The following PDE10A variants were observed in gnomAD, a reference collection of about 807,000 sequenced individuals.
The protein encoded by PDE10A is phosphodiesterase 10A.
Under a neutral mutation model 97.7 loss-of-function variants are expected in PDE10A, and 39 were observed. The observed-to-expected ratio is 0.40, with a 90% CI of 0.31 to 0.52. The LOEUF is 0.52. Among genes scored for constraint, PDE10A ranks in the 20% least tolerant of loss-of-function variants. The pLI is 0.56. For missense variants in PDE10A, 731 were observed against 1,047.8 expected (o/e 0.70, Z 4.17); for synonymous variants, 371 against 376.8 (o/e 0.98, Z 0.18).
At chr6:165,548,331 A>T (rs1311561598) in intron 1 of PDE10A, among the ~76,000 whole-genome samples, 1 of 146,362 alleles carries the variant, frequency 6.8e-6, no homozygotes, top group Non-Finnish European at 1.5e-5. Context: ...CTAGGACACA[A>T]GTAAATTCCA....
chr6:165,402,555 C>A (rs867195120), intron 13 of PDE10A, among the ~76,000 whole-genome samples: 1 of 151,998 alleles, frequency 6.6e-6, no homozygotes, highest in Non-Finnish European at 1.5e-5. Context: ...TATAACACTG[C>A]GTAAATAATC....
chr6:165,755,224 C>T (rs1322665852), intron 1 of PDE10A, among the ~76,000 whole-genome samples: 3 of 152,120 alleles, frequency 2.0e-5, no homozygotes, highest in East Asian at 3.9e-4. Context: ...CTGAAAGTGG[C>T]CTGAATTGTC....
At chr6:165,357,211 A>G (rs1274399642) in intron 18 of PDE10A, among the ~76,000 whole-genome samples, 1 of 152,160 alleles carries the variant, frequency 6.6e-6, no homozygotes, top group East Asian at 1.9e-4. Context: ...TAATCCTGCA[A>G]TAAAATTCTT....
rs987722890 is a variant in PDE10A at position 165,711,088 on chromosome 6, C to T, written c.-614-167520G>A. Among the ~76,000 whole-genome samples, 2 of 152,200 alleles carry T rather than the reference C, an allele frequency of 1.3e-5. No individual in the cohort carries two copies. The highest frequency in any genetic ancestry group is 1.3e-4 in the Admixed American group (2 of 15,278). On this transcript the variant is annotated intron_variant, in intron 1 of 19. Transcript: ENST00000366882. The surrounding 1 kb of genome is among the most constrained non-coding windows in gnomAD (Gnocchi z 4.5). ...CTCATCTGCGCCCGGGGGTCTGTCC[C>T]GCTCCTCAAAGCCAACAAAGCGGGT...
chr6:165,824,359 A>C (rs1779664395), intron 1 of PDE10A, among the ~76,000 whole-genome samples: 1 of 152,260 alleles, frequency 6.6e-6, no homozygotes, highest in South Asian at 2.1e-4. Flanking sequence ...TAGCATGTCG[A>C]AATTTTCAAT....
At chr6:165,681,544 G>A (rs1350540745) in intron 1 of PDE10A, among the ~76,000 whole-genome samples, 1 of 152,070 alleles carries the variant, frequency 6.6e-6, no homozygotes, top group Non-Finnish European at 1.5e-5. Context: ...CTGAAAACCT[G>A]CATTTCTAAC....
At chr6:165,608,445 C>CT (rs571636832) in intron 1 of PDE10A, among the ~76,000 whole-genome samples, 2 of 151,672 alleles carry the variant, frequency 1.3e-5, no homozygotes, top group African/African-American at 4.8e-5. Context: ...TGAACTCATC[C>CT]TTTTTTTATG....
intron 1 of PDE10A, among the ~76,000 whole-genome samples, chr6:165,619,724 G>A (rs1163614754): frequency 1.9e-5 from 2 of 106,072 alleles, no homozygotes; most frequent in African/African-American, 1.1e-4. Context: ...GTAGTCCAGT[G>A]TAGTGTAGTG....
At chr6:165,870,913 T>C (rs1781188710) in intron 1 of PDE10A, among the ~76,000 whole-genome samples, 1 of 152,164 alleles carries the variant, frequency 6.6e-6, no homozygotes, top group African/African-American at 2.4e-5. Flanking sequence ...CTCATGGAGA[T>C]ACACAGTAGA....
intron 2 of PDE10A, among the ~76,000 whole-genome samples, chr6:165,528,145 G>GA (rs753059880): frequency 7.9e-5 from 12 of 152,224 alleles, no homozygotes; most frequent in Non-Finnish European, 1.5e-4. Context: ...AGCATGATTG[G>GA]AAAATTGGTG....
intron 1 of PDE10A, among the ~76,000 whole-genome samples, chr6:165,692,152 C>G (rs1172121459): frequency 1.3e-5 from 2 of 152,162 alleles, no homozygotes; most frequent in African/African-American, 2.4e-5. Context: ...GGCCATGCAG[C>G]GTGACAGGGA....
chr6:165,391,046 T>A (rs1005763195), intron 16 of PDE10A, among the ~76,000 whole-genome samples: 1 of 152,166 alleles, frequency 6.6e-6, no homozygotes, highest in Non-Finnish European at 1.5e-5. Flanking sequence ...ATCTTTCCAG[T>A]TTCTAAACTC....
chr6:165,556,344 A>T (rs922435291), intron 1 of PDE10A, among the ~76,000 whole-genome samples: 3 of 152,216 alleles, frequency 2.0e-5, no homozygotes, highest in African/African-American at 7.2e-5. Flanking sequence ...GGGTAAAAAC[A>T]GGAAAAGAAT....
At chr6:165,875,222 G>C (rs1781300648) in intron 1 of PDE10A, among the ~76,000 whole-genome samples, 1 of 152,132 alleles carries the variant, frequency 6.6e-6, no homozygotes, top group Non-Finnish European at 1.5e-5. Flanking sequence ...CTACCAGGAG[G>C]ATAACATCAG....
At chr6:165,688,273 C>G (rs1791177701) in intron 1 of PDE10A, among the ~76,000 whole-genome samples, 2 of 152,112 alleles carry the variant, frequency 1.3e-5, no homozygotes, top group Admixed American at 1.3e-4. Context: ...GCCTTTGAGA[C>G]CAAGTCAAGA....
intron 1 of PDE10A, among the ~76,000 whole-genome samples, chr6:165,782,090 A>C (rs529415776): frequency 1.2e-4 from 18 of 152,348 alleles, no homozygotes; most frequent in African/African-American, 4.3e-4. Context: ...GCCTAAGTGT[A>C]ATCTGGAAGT....
intron 1 of PDE10A, among the ~76,000 whole-genome samples, chr6:165,691,589 G>GTGCACA (rs1554306113): frequency 3.5e-5 from 5 of 144,484 alleles, no homozygotes; most frequent in Non-Finnish European, 4.6e-5. Context: ...ATGCACGCGC[G>GTGCACA]CGCACACACA....
At chr6:165,859,186 G>GA (rs1160369390) in intron 1 of PDE10A, among the ~76,000 whole-genome samples, 2 of 152,204 alleles carry the variant, frequency 1.3e-5, no homozygotes, top group Non-Finnish European at 2.9e-5. Flanking sequence ...GCTGATTCAT[G>GA]AACACTGAAA....
chr6:165,383,297 ATCAT>A (rs1469114283), intron 17 of PDE10A, among the ~76,000 whole-genome samples: 2 of 152,232 alleles, frequency 1.3e-5, no homozygotes, highest in Non-Finnish European at 2.9e-5. Flanking sequence ...GTTCAAAATA[ATCAT>A]TCATATCTTA....
Sources: gnomAD v4.1 joint callset for allele counts (sites outside exome capture counted in the v4.1 genomes callset) on GRCh38, gnomAD v4.1.1 for gene constraint, Gnocchi (gnomAD v3.1) non-coding constraint, MANE v1.5 for transcripts, NCBI Gene and HGNC (gene_info 2026-07-23, HGNC 2026-07-21) for gene names.